The following GPR158 variants were observed in gnomAD, a reference collection of about 807,000 sequenced individuals.
GPR158 encodes the protein metabotropic glycine receptor.
In GPR158, 30 loss-of-function variants were observed where a neutral mutation model predicts 78.2. That is an observed-to-expected ratio of 0.38 (90% CI 0.29 to 0.52). GPR158 has a LOEUF of 0.52. Among genes scored for constraint, GPR158 ranks in the 20% least tolerant of loss-of-function variants. The pLI is 0.83. For synonymous variants in GPR158, 581 were observed against 591.1 expected (o/e 0.98, Z 0.25); for missense variants, 1,463 against 1,523.5 (o/e 0.96, Z 0.66).
At chr10:25,507,675 C>T (rs559843843) in intron 5 of GPR158, among the ~76,000 whole-genome samples, 1 of 152,090 alleles carries the variant, frequency 6.6e-6, no homozygotes, top group African/African-American at 2.4e-5. Context: ...GACATTGCAA[C>T]AATGATCTGA....
intron 4 of GPR158, among the ~76,000 whole-genome samples, chr10:25,465,164 A>G (rs1425273108): frequency 6.6e-6 from 1 of 152,172 alleles, no homozygotes; most frequent in Non-Finnish European, 1.5e-5. Flanking sequence ...TATATAATGC[A>G]GTATTGTGGT....
At chr10:25,302,033 C>G (rs1413324377) in intron 2 of GPR158, among the ~76,000 whole-genome samples, 6 of 148,590 alleles carry the variant, frequency 4.0e-5, no homozygotes, top group African/African-American at 1.5e-4. Context: ...TTTGTGAGAT[C>G]TATCTGTTTA....
At chr10:25,227,999 G>A (rs538781236) in intron 2 of GPR158, among the ~76,000 whole-genome samples, 1 of 151,986 alleles carries the variant, frequency 6.6e-6, no homozygotes, top group Non-Finnish European at 1.5e-5. Flanking sequence ...TGACAATATG[G>A]TAAAAATGTG....
At chr10:25,317,726 G>GT (rs796945422) in intron 2 of GPR158, among the ~76,000 whole-genome samples, 5 of 140,132 alleles carry the variant, frequency 3.6e-5, no homozygotes, top group African/African-American at 5.9e-5. Flanking sequence ...GTTTTTTTTT[G>GT]TTTTGTTTTG....
chr10:25,388,365 C>T (rs1409933500), intron 2 of GPR158, among the ~76,000 whole-genome samples: 2 of 152,162 alleles, frequency 1.3e-5, no homozygotes, highest in South Asian at 2.1e-4. Flanking sequence ...ACCACACCAC[C>T]CCCACCCTTG....
At position 25,337,148 on chromosome 10, in the gene GPR158, TA is replaced by T. The variant is rs1469757912; in HGVS notation, c.1009-58762del. On this transcript the variant is annotated intron_variant, in intron 2 of 10. Transcript: ENST00000376351. ...TACAGTGTTAGCAATACTTTGAAAA[TA>T]TTTTTTAACTTTCAAAATTTAAGAA... Among the ~76,000 whole-genome samples the T allele has an allele frequency of 4.6e-5, 7 of 152,194 alleles. No individual in the cohort carries two copies. The East Asian group carries it at 9.7e-4, about 21-fold the overall frequency.
intron 5 of GPR158, among the ~76,000 whole-genome samples, chr10:25,489,404 G>A (rs1835774940): frequency 6.6e-6 from 1 of 152,096 alleles, no homozygotes; most frequent in Non-Finnish European, 1.5e-5. Context: ...CAGTGATGAG[G>A]TTTCATATTG....
chr10:25,411,269 T>G (rs1834580942), intron 3 of GPR158, among the ~76,000 whole-genome samples: 1 of 152,170 alleles, frequency 6.6e-6, no homozygotes, highest in Non-Finnish European at 1.5e-5. Flanking sequence ...AAGTGAATAG[T>G]GTGAAAATGT....
chr10:25,581,122 G>T (rs1340277503), intron 7 of GPR158, among the ~76,000 whole-genome samples: 2 of 151,528 alleles, frequency 1.3e-5, no homozygotes, highest in African/African-American at 2.4e-5. Flanking sequence ...TAGAGACGGG[G>T]TTTCACCTTG....
intron 2 of GPR158, among the ~76,000 whole-genome samples, chr10:25,294,624 G>GAA (rs34331789): frequency 4.0e-4 from 60 of 150,354 alleles, no homozygotes; most frequent in African/African-American, 1.0e-3. Context: ...GAGGAATGTG[G>GAA]AAAAAAAAAA....
intron 4 of GPR158, among the ~76,000 whole-genome samples, chr10:25,420,441 C>A (rs1359017986): frequency 3.9e-5 from 6 of 152,180 alleles, no homozygotes; most frequent in Non-Finnish European, 8.8e-5. Flanking sequence ...GCATGAGCCA[C>A]CTTACTTGGC....
Position 25,516,804 on chromosome 10 carries a change from T to C in GPR158, c.1405-34172T>C, listed in dbSNP as rs1421362289. 1.5e-4 allele frequency among the ~76,000 whole-genome samples: 17 copies of C among 112,598 alleles called. 1 individual carries two copies. Among genetic ancestry groups the C allele is most frequent in the African/African-American group, 6.9e-4 (17 of 24,586 alleles). The allele number at this position is 112,598 out of a possible 152,430, so 73.9% of individuals were successfully genotyped here. A position where few individuals can be genotyped will look rare whatever the true frequency, so the allele number is the denominator to read the frequency against. On this transcript the variant is annotated intron_variant, in intron 5 of 10. Coordinates refer to ENST00000376351, the MANE Select transcript of GPR158 (RefSeq NM_020752.3). ...TAGTATAGTTTGAAGTCAGGTAGTG[T>C]GATGCCTCCAGCTTTGTTCTTTTGG...
chr10:25,227,169 A>C (rs1346836350), intron 2 of GPR158, among the ~76,000 whole-genome samples: 1 of 152,244 alleles, frequency 6.6e-6, no homozygotes, highest in Non-Finnish European at 1.5e-5. Flanking sequence ...GTTAGAAATC[A>C]CTGTGCTAAA....
chr10:25,499,749 C>T (rs1392091986), intron 5 of GPR158, among the ~76,000 whole-genome samples: 43 of 152,162 alleles, frequency 2.8e-4, no homozygotes, highest in Non-Finnish European at 1.5e-5. Context: ...CTCTTGTGCA[C>T]ACACCCACAA....
chr10:25,579,744 T>C (rs1837162356), intron 7 of GPR158, among the ~76,000 whole-genome samples: 1 of 152,228 alleles, frequency 6.6e-6, no homozygotes. Context: ...CTGAGCTGTT[T>C]CCACAGTTTC....
chr10:25,493,232 A>G (rs547883183), intron 5 of GPR158, among the ~76,000 whole-genome samples: 18 of 152,336 alleles, frequency 1.2e-4, no homozygotes, highest in Admixed American at 5.2e-4. Flanking sequence ...GGCCTGCTTC[A>G]ACACAATTGC....
At chr10:25,178,576 T>A (rs575103744) in intron 1 of GPR158, among the ~76,000 whole-genome samples, 1 of 152,330 alleles carries the variant, frequency 6.6e-6, no homozygotes, top group South Asian at 2.1e-4. Flanking sequence ...ATAGTTTGTT[T>A]CTTTAAGTGC....
chr10:25,286,369 A>T (rs1854350749), intron 2 of GPR158, among the ~76,000 whole-genome samples: 1 of 152,180 alleles, frequency 6.6e-6, no homozygotes, highest in Non-Finnish European at 1.5e-5. Flanking sequence ...TCTACTGATT[A>T]GACTATCAAA....
intron 4 of GPR158, among the ~76,000 whole-genome samples, chr10:25,443,544 G>A (rs1314087848): frequency 3.5e-5 from 5 of 143,846 alleles, no homozygotes; most frequent in South Asian, 2.3e-4. Context: ...GACAGAGCGA[G>A]AGACTGTTTC....
Sources: allele counts gnomAD v4.1 joint callset (sites outside exome capture counted in the v4.1 genomes callset), GRCh38; gene constraint gnomAD v4.1.1; transcripts MANE v1.5; gene names NCBI Gene and HGNC (gene_info 2026-07-23, HGNC 2026-07-21).